The following UBR2 variants were observed in gnomAD, a reference collection of about 807,000 sequenced individuals.
UBR2 encodes the protein ubiquitin protein ligase E3 component n-recognin 2.
UBR2 carries 92 observed loss-of-function variants against 247.9 expected under a neutral mutation model. The observed-to-expected ratio is 0.37, with a 90% CI of 0.31 to 0.44. The LOEUF (loss-of-function observed/expected upper bound fraction) is 0.44. Among genes scored for constraint, UBR2 ranks in the 20% least tolerant of loss-of-function variants. The pLI is 1.00. For synonymous variants in UBR2, 672 were observed against 693.5 expected, an observed-to-expected ratio of 0.97 and a Z score of 0.49; for missense variants, 1,613 against 2,112.6, an observed-to-expected ratio of 0.76 and a Z score of 4.64.
Position 42,691,635 on chromosome 6 carries a change from C to A in UBR2, c.*462C>A, listed in dbSNP as rs1799755863. The A allele has an allele frequency of 5.4e-6, 1 of 185,864 alleles. No individual in the cohort carries two copies. Among genetic ancestry groups the A allele is most frequent in the Non-Finnish European group, 1.1e-5 (1 of 90,480 alleles). The allele number at this position is 185,864 out of a possible 1,614,324, so 11.5% of individuals were successfully genotyped here. A position where few individuals can be genotyped will look rare whatever the true frequency, so the allele number is the denominator to read the frequency against. On this transcript the variant is annotated 3_prime_UTR_variant, in exon 47 of 47. Coordinates refer to ENST00000372901, the MANE Select transcript of UBR2 (RefSeq NM_001363705.2). ...TGTCCCCTCTGCTGACAGGACCCTACTCCTAGGAGCAAAGTGGTTGATTTT... is the reference window on the plus strand; with the variant it reads ...TGTCCCCTCTGCTGACAGGACCCTAATCCTAGGAGCAAAGTGGTTGATTTT...
In UBR2 at chr6:42,632,936, CTTTT is replaced by C. The variant is rs368420871; in HGVS notation, c.1545+41_1545+44del. On this transcript the variant is annotated intron_variant, in intron 13 of 46. Coordinates refer to ENST00000372901, the MANE Select transcript of UBR2 (RefSeq NM_001363705.2). Reference sequence around the variant, plus strand: ...AAAAACTGTTACACTTTTCTTTTTCCTTTTTTTTTTTTCTCTTTTCTCTTTTTTT... The same window carrying C: ...AAAAACTGTTACACTTTTCTTTTTCCTTTTTTTTCTCTTTTCTCTTTTTTT... 500 of 920,372 alleles carry C rather than the reference CTTTT, an allele frequency of 5.4e-4. 2 individuals are homozygous for C. The highest frequency in any genetic ancestry group is 5.2e-5 in the Non-Finnish European group (36 of 693,788). 57.0% of individuals were successfully genotyped at this position (920,372 alleles called of 1,614,324 possible). A position where few individuals can be genotyped will look rare whatever the true frequency, so the allele number is the denominator to read the frequency against.
In UBR2 at chr6:42,612,368, ACT is replaced by A; in HGVS notation, c.985+78_985+79del. On this transcript the variant is annotated intron_variant, in intron 8 of 46. Coordinates refer to ENST00000372901, the MANE Select transcript of UBR2 (RefSeq NM_001363705.2). ...GCTGTTGCAAAACTGTTTTGGGAAAACTATCAACTGGAATAATTTCCTGCTTT... is the reference window on the plus strand; with the variant it reads ...GCTGTTGCAAAACTGTTTTGGGAAAAATCAACTGGAATAATTTCCTGCTTT... The A allele has an allele frequency of 3.8e-6, 5 of 1,330,790 alleles. No homozygotes were observed. The East Asian group carries it at 1.0e-4, about 28-fold the overall frequency. The allele number at this position is 1,330,790 out of a possible 1,614,324, so 82.4% of individuals were successfully genotyped here.
intron 15 of UBR2, 152 bp from the exon 16 acceptor site, chr6:42,640,057 T>C: frequency 1.6e-6 from 1 of 623,446 alleles, no homozygotes; most frequent in Non-Finnish European, 2.7e-6. Context: ...AAGCCTCTTA[T>C]GAATATAGAT....
intron 15 of UBR2, among the ~76,000 whole-genome samples, chr6:42,638,751 T>TAA (rs970122755): frequency 7.2e-6 from 1 of 139,846 alleles, no homozygotes; most frequent in African/African-American, 2.6e-5. Flanking sequence ...CACGTGCCCT[T>TAA]AAAAAAAAAA....
At chr6:42,587,009 G>A (rs919295206) in intron 2 of UBR2, among the ~76,000 whole-genome samples, 3 of 151,566 alleles carry the variant, frequency 2.0e-5, no homozygotes, top group South Asian at 2.1e-4. Context: ...TAGTAGAGAC[G>A]GGGTTTCACC....
At chr6:42,576,514 C>G (rs1410578546) in intron 2 of UBR2, among the ~76,000 whole-genome samples, 1 of 146,992 alleles carries the variant, frequency 6.8e-6, no homozygotes, top group Non-Finnish European at 1.5e-5. Flanking sequence ...TCACAGTGGC[C>G]TTTCCCTCTT....
intron 14 of UBR2, among the ~76,000 whole-genome samples, 189 bp from the exon 15 acceptor site, chr6:42,636,822 T>C (rs1482646583): frequency 6.6e-6 from 1 of 152,082 alleles, no homozygotes; most frequent in Non-Finnish European, 1.5e-5. Flanking sequence ...ATTTCTGCAC[T>C]ATATGAGTAA....
At chr6:42,687,361 G>C (rs1180767855) in intron 44 of UBR2, among the ~76,000 whole-genome samples, 1 of 152,178 alleles carries the variant, frequency 6.6e-6, no homozygotes, top group Admixed American at 6.5e-5. Flanking sequence ...GCGCGCGCCT[G>C]CAATCCCAGG....
At chr6:42,640,916 A>G (rs1334260228) in intron 16 of UBR2, among the ~76,000 whole-genome samples, 1 of 151,484 alleles carries the variant, frequency 6.6e-6, no homozygotes, top group Non-Finnish European at 1.5e-5. Flanking sequence ...TTTAGTAGAG[A>G]CAGGGTTTCA....
At chr6:42,627,927 G>A (rs760892246) in intron 11 of UBR2, among the ~76,000 whole-genome samples, 1 of 152,160 alleles carries the variant, frequency 6.6e-6, no homozygotes, top group East Asian at 1.9e-4. Flanking sequence ...GAGATTAAAG[G>A]CAAGATGAAG....
chr6:42,691,180 C>T lies in UBR2; in HGVS notation c.*7C>T, dbSNP rs1430650636. 1 of 1,609,932 alleles carries T rather than the reference C, an allele frequency of 6.2e-7. No individual in the cohort carries two copies. Among genetic ancestry groups the T allele is most frequent in the Non-Finnish European group, 8.5e-7 (1 of 1,179,080 alleles). On this transcript the variant is annotated 3_prime_UTR_variant, in exon 47 of 47. Coordinates refer to ENST00000372901, the MANE Select transcript of UBR2 (RefSeq NM_001363705.2). ...TGACTGGCAACATTTATAATTATTG[C>T]ACCACCAAAAAACACAAACTTGGAT...
At chr6:42,667,074 G>A (rs1798146734) in intron 34 of UBR2, among the ~76,000 whole-genome samples, 2 of 152,160 alleles carry the variant, frequency 1.3e-5, no homozygotes. Flanking sequence ...AAAACATCAT[G>A]CCTATAATCC....
intron 37 of UBR2, 114 bp downstream of exon 37, chr6:42,674,001 T>A: frequency 3.9e-6 from 5 of 1,293,098 alleles, no homozygotes; most frequent in Non-Finnish European, 5.4e-6. Context: ...CTGGTTTTCT[T>A]ATATATAAGC....
intron 4 of UBR2, among the ~76,000 whole-genome samples, chr6:42,599,971 A>T (rs1166385081): frequency 6.6e-6 from 1 of 152,132 alleles, no homozygotes; most frequent in Non-Finnish European, 1.5e-5. Flanking sequence ...TAATAGATTT[A>T]TTTTTTGTAA....
intron 42 of UBR2, 103 bp downstream of exon 42, chr6:42,679,935 A>G: frequency 1.5e-6 from 1 of 688,782 alleles, no homozygotes; most frequent in Non-Finnish European, 2.4e-6. Flanking sequence ...CCCTGGTAGA[A>G]TTCAACACAA....
chr6:42,632,069 A>AAAATATATATATATAT (rs56721828), intron 11 of UBR2, among the ~76,000 whole-genome samples: 1 of 114,088 alleles, frequency 8.8e-6, no homozygotes, highest in African/African-American at 3.4e-5. Context: ...AAAAAAAAAA[A>AAAATATATATATATAT]ATATATATAT....
chr6:42,668,737 C>T (rs1798262044), intron 34 of UBR2, among the ~76,000 whole-genome samples: 1 of 151,492 alleles, frequency 6.6e-6, no homozygotes, highest in South Asian at 2.1e-4. Context: ...CCACTGCACT[C>T]AGCCTCATTT....
chr6:42,630,341 C>T (rs1258248946), intron 11 of UBR2, among the ~76,000 whole-genome samples: 1 of 151,836 alleles, frequency 6.6e-6, no homozygotes, highest in Non-Finnish European at 1.5e-5. Context: ...CCCACCACCA[C>T]GCCCAGCTAA....
intron 11 of UBR2, chr6:42,620,081 G>T: frequency 1.1e-6 from 1 of 870,986 alleles, no homozygotes; most frequent in Non-Finnish European, 1.4e-6. Context: ...GATTAAATAG[G>T]TTCTACCAGA....
Sources: gnomAD v4.1 joint callset for allele counts (sites outside exome capture counted in the v4.1 genomes callset) on GRCh38, gnomAD v4.1.1 for gene constraint, MANE v1.5 for transcripts, NCBI Gene and HGNC (gene_info 2026-07-23, HGNC 2026-07-21) for gene names.